The following ST6GALNAC3 variants were observed in gnomAD, a reference collection of about 807,000 sequenced individuals.
ST6GALNAC3 encodes the protein ST6 N-acetylgalactosaminide alpha-2,6-sialyltransferase 3.
In ST6GALNAC3, 25 loss-of-function variants were observed where a neutral mutation model predicts 32.7. The ratio of observed to expected loss-of-function variants is 0.76; its 90% CI spans 0.56 to 1.07. ST6GALNAC3 has a LOEUF of 1.07. Ranked by LOEUF, ST6GALNAC3 falls within the 50% of genes least tolerant of loss-of-function variation. The pLI is 0.00. For synonymous variants in ST6GALNAC3, 129 were observed against 133.1 expected (o/e 0.97, Z 0.21); for missense variants, 355 against 382.4 (o/e 0.93, Z 0.60).
intron 1 of ST6GALNAC3, among the ~76,000 whole-genome samples, chr1:76,227,989 T>A (rs937660338): frequency 2.0e-5 from 3 of 152,194 alleles, no homozygotes; most frequent in Non-Finnish European, 4.4e-5. Flanking sequence ...TTGTGGAACA[T>A]TTAATTTCAT....
chr1:76,572,541 C>A (rs1045795758), intron 3 of ST6GALNAC3, among the ~76,000 whole-genome samples: 1 of 152,112 alleles, frequency 6.6e-6, no homozygotes, highest in African/African-American at 2.4e-5. Flanking sequence ...TTCCTTCCCC[C>A]ACCAGTTTCT....
At chr1:76,423,715 G>A (rs1398615952) in intron 3 of ST6GALNAC3, among the ~76,000 whole-genome samples, 1 of 151,812 alleles carries the variant, frequency 6.6e-6, no homozygotes, top group Non-Finnish European at 1.5e-5. Flanking sequence ...ACTATTACAG[G>A]CATGTAATAA....
At position 76,087,782 on chromosome 1, in the gene ST6GALNAC3, T is replaced by A. The variant is rs144751578; in HGVS notation, c.18+12898T>A. On this transcript the variant is annotated intron_variant, in intron 1 of 4. Transcript: ENST00000328299. ...TTCCTAGAGTATATTACTCAGATCA[T>A]ACATAGATAAACCTATTTGTAACTT... Among the ~76,000 whole-genome samples the A allele has an allele frequency of 2.1e-3, 316 of 152,348 alleles. 5 individuals are homozygous for A. Among genetic ancestry groups the A allele is most frequent in the African/African-American group, 7.4e-3 (308 of 41,576 alleles).
chr1:76,585,700 C>G (rs1646952897), intron 3 of ST6GALNAC3, among the ~76,000 whole-genome samples: 1 of 152,152 alleles, frequency 6.6e-6, no homozygotes. Flanking sequence ...TTCATCTAAT[C>G]TTATTGCTCT....
At chr1:76,412,716 C>A (rs1474555920) in intron 3 of ST6GALNAC3, among the ~76,000 whole-genome samples, 1 of 151,988 alleles carries the variant, frequency 6.6e-6, no homozygotes, top group Non-Finnish European at 1.5e-5. Flanking sequence ...TGGATTTCAG[C>A]TGAAAGAGGA....
chr1:76,474,485 A>T (rs1659224732), intron 3 of ST6GALNAC3, among the ~76,000 whole-genome samples: 1 of 152,172 alleles, frequency 6.6e-6, no homozygotes. Context: ...AATATGGTCT[A>T]GATAAAGAAC....
chr1:76,309,832 C>A, intron 1 of ST6GALNAC3: 1 of 399,288 alleles, frequency 2.5e-6, no homozygotes, highest in Non-Finnish European at 5.0e-6. Flanking sequence ...TTGCTCCCTT[C>A]ACCCTCTCTG....
intron 1 of ST6GALNAC3, among the ~76,000 whole-genome samples, chr1:76,171,696 G>A (rs959035240): frequency 1.3e-5 from 2 of 151,436 alleles, no homozygotes; most frequent in African/African-American, 4.8e-5. Flanking sequence ...TAGAAGAAAT[G>A]GATAAATTCC....
intron 3 of ST6GALNAC3, among the ~76,000 whole-genome samples, chr1:76,441,088 C>CAAAAAAAAAAAA: frequency 1.1e-5 from 1 of 90,264 alleles, no homozygotes; most frequent in Non-Finnish European, 2.3e-5. Context: ...ACTATGTCTC[C>CAAAAAAAAAAAA]AAAAAAAAAA....
chr1:76,081,329 A>G (rs1400316710), intron 1 of ST6GALNAC3, among the ~76,000 whole-genome samples: 2 of 151,774 alleles, frequency 1.3e-5, no homozygotes, highest in East Asian at 3.9e-4. Flanking sequence ...GAAATCTCAT[A>G]ATGTTTTAAG....
intron 3 of ST6GALNAC3, among the ~76,000 whole-genome samples, chr1:76,498,764 A>G (rs1661006879): frequency 6.6e-6 from 1 of 151,836 alleles, no homozygotes; most frequent in Non-Finnish European, 1.5e-5. Flanking sequence ...CCTCTTTGTA[A>G]AGGAAAAAAT....
intron 3 of ST6GALNAC3, among the ~76,000 whole-genome samples, chr1:76,496,786 G>A (rs1019006722): frequency 2.0e-5 from 3 of 152,152 alleles, no homozygotes; most frequent in African/African-American, 4.8e-5. Context: ...GGCTTAGGAG[G>A]CCCATCAAAC....
chr1:76,351,829 A>G (rs998565414), intron 2 of ST6GALNAC3, among the ~76,000 whole-genome samples: 1 of 152,194 alleles, frequency 6.6e-6, no homozygotes, highest in Non-Finnish European at 1.5e-5. Flanking sequence ...AGTGAAACAT[A>G]CATTTTCCTC....
In ST6GALNAC3 at chr1:76,391,504, C is replaced by T. The variant is rs553914308; in HGVS notation, c.214-20504C>T. On this transcript the variant is annotated intron_variant, in intron 2 of 4. Coordinates refer to ENST00000328299, the MANE Select transcript of ST6GALNAC3 (RefSeq NM_152996.4). ...AATTGAATGTTCTTTAGAAACAAAT[C>T]GTAAGCCATTAGGAAAGACCTTCCT... 2.6e-5 allele frequency among the ~76,000 whole-genome samples: 4 copies of T among 151,646 alleles called. No individual in the cohort carries two copies. In the South Asian group the frequency reaches 6.3e-4, roughly 24 times the overall value.
intron 2 of ST6GALNAC3, among the ~76,000 whole-genome samples, chr1:76,369,831 G>T (rs1429246906): frequency 1.3e-5 from 2 of 152,146 alleles, no homozygotes; most frequent in African/African-American, 4.8e-5. Context: ...TCTATAATAA[G>T]TAGAAAATTC....
intron 1 of ST6GALNAC3, among the ~76,000 whole-genome samples, chr1:76,278,829 C>T (rs1327989132): frequency 2.6e-5 from 4 of 152,054 alleles, no homozygotes; most frequent in Non-Finnish European, 5.9e-5. Flanking sequence ...AGTCACAGAG[C>T]GAATGTGTTT....
chr1:76,278,267 G>C (rs911971845), intron 1 of ST6GALNAC3, among the ~76,000 whole-genome samples: 4 of 111,262 alleles, frequency 3.6e-5, no homozygotes, highest in African/African-American at 6.2e-5. Flanking sequence ...GTCATCCCAG[G>C]CTGGAGTGCA....
chr1:76,587,236 C>T (rs771295381), intron 3 of ST6GALNAC3, among the ~76,000 whole-genome samples: 1 of 152,110 alleles, frequency 6.6e-6, no homozygotes, highest in Non-Finnish European at 1.5e-5. Flanking sequence ...AACATGACAC[C>T]GACTCACTTT....
chr1:76,281,612 C>A (rs905459375), intron 1 of ST6GALNAC3, among the ~76,000 whole-genome samples: 2 of 152,146 alleles, frequency 1.3e-5, no homozygotes, highest in Admixed American at 1.3e-4. Context: ...CAGACAGCAC[C>A]CTTCTGTTTA....
Sources: gnomAD v4.1 joint callset for allele counts (sites outside exome capture counted in the v4.1 genomes callset) on GRCh38, gnomAD v4.1.1 for gene constraint, MANE v1.5 for transcripts, NCBI Gene and HGNC (gene_info 2026-07-23, HGNC 2026-07-21) for gene names.